ZRANB3: variants seen among roughly 807,000 people sequenced by gnomAD.
The protein encoded by ZRANB3 is DNA annealing helicase and endonuclease ZRANB3.
In ZRANB3, 125 loss-of-function variants were observed where a neutral mutation model predicts 133.8. The observed-to-expected ratio is 0.93, with a 90% CI of 0.81 to 1.08. The LOEUF (loss-of-function observed/expected upper bound fraction) is 1.08, where lower values mean the gene tolerates loss of function less well. Among genes scored for constraint, ZRANB3 ranks in the 50% least tolerant of loss-of-function variants. The pLI is 0.00. For missense variants in ZRANB3, 1,229 were observed against 1,275.5 expected (o/e 0.96, Z 0.56); for synonymous variants, 387 against 432.7 (o/e 0.89, Z 1.31).
intron 8 of ZRANB3, among the ~76,000 whole-genome samples, chr2:135,296,359 A>G (rs1682090787): frequency 1.3e-5 from 2 of 151,994 alleles, no homozygotes; most frequent in Admixed American, 6.6e-5. Context: ...CTTTCTTCCA[A>G]TTGATCGCAT....
chr2:135,292,377 G>A (rs1437560625), intron 8 of ZRANB3, among the ~76,000 whole-genome samples: 12 of 152,078 alleles, frequency 7.9e-5, no homozygotes, highest in African/African-American at 2.4e-4. Flanking sequence ...TGTGTCTTTT[G>A]GCTGCATAAA....
chr2:135,437,016 G>T (rs999877807), intron 2 of ZRANB3, among the ~76,000 whole-genome samples: 7 of 152,216 alleles, frequency 4.6e-5, no homozygotes, highest in African/African-American at 1.7e-4. Context: ...CTGGAGTGCA[G>T]TGGTGCGATC....
At chr2:135,207,965 A>G (rs2105039661) in intron 18 of ZRANB3, 129 bp from the exon 19 acceptor site, 2 of 937,918 alleles carry the variant, frequency 2.1e-6, no homozygotes, top group East Asian at 5.3e-5. Flanking sequence ...GTAGAAATAA[A>G]ATAGTTACAG....
At chr2:135,418,925 CTT>C (rs769271961) in intron 2 of ZRANB3, among the ~76,000 whole-genome samples, 12 of 85,900 alleles carry the variant, frequency 1.4e-4, no homozygotes, top group East Asian at 5.4e-4. Context: ...AGGATTCTCT[CTT>C]TTTTTTTTTT....
chr2:135,374,975 T>C (rs1387958008), intron 3 of ZRANB3, among the ~76,000 whole-genome samples: 1 of 151,572 alleles, frequency 6.6e-6, no homozygotes, highest in Admixed American at 6.6e-5. Flanking sequence ...CATAGGTGAA[T>C]AGAGAATTAC....
chr2:135,482,601 C>G (rs1691878469), intron 2 of ZRANB3, among the ~76,000 whole-genome samples: 1 of 152,048 alleles, frequency 6.6e-6, no homozygotes. Flanking sequence ...AATTGAATGC[C>G]CTTTATTTCC....
intron 12 of ZRANB3, among the ~76,000 whole-genome samples, chr2:135,237,766 G>T (rs1162276552): frequency 1.4e-5 from 2 of 147,504 alleles, no homozygotes; most frequent in African/African-American, 2.5e-5. Context: ...ACAGGAAGGG[G>T]AACATCACAC....
intron 2 of ZRANB3, among the ~76,000 whole-genome samples, chr2:135,430,291 T>G (rs1202275105): frequency 6.6e-6 from 1 of 152,176 alleles, no homozygotes; most frequent in Non-Finnish European, 1.5e-5. Context: ...CTTAATGATA[T>G]GATCGCAGGA....
intron 1 of ZRANB3, among the ~76,000 whole-genome samples, chr2:135,513,997 A>AT (rs1693591735): frequency 6.6e-6 from 1 of 152,054 alleles, no homozygotes; most frequent in Non-Finnish European, 1.5e-5. Flanking sequence ...TGGTTTATAT[A>AT]TCTCTTTTGG....
At chr2:135,419,662 G>T (rs1688748831) in intron 2 of ZRANB3, among the ~76,000 whole-genome samples, 1 of 150,942 alleles carries the variant, frequency 6.6e-6, no homozygotes, top group African/African-American at 2.4e-5. Context: ...GATGGCACCA[G>T]TCTAAAGATA....
intron 12 of ZRANB3, among the ~76,000 whole-genome samples, chr2:135,244,929 G>A (rs1338769618): frequency 1.3e-5 from 2 of 152,168 alleles, no homozygotes; most frequent in African/African-American, 4.8e-5. Flanking sequence ...GGAGTAATCA[G>A]CATAGGTGAT....
intron 3 of ZRANB3, among the ~76,000 whole-genome samples, chr2:135,385,126 A>G (rs1354091497): frequency 6.6e-6 from 1 of 152,240 alleles, no homozygotes; most frequent in Non-Finnish European, 1.5e-5. Flanking sequence ...TCAAGCTGAT[A>G]AGCAACTTCA....
chr2:135,341,910 T>G (rs1276898242), intron 6 of ZRANB3, among the ~76,000 whole-genome samples: 1 of 150,004 alleles, frequency 6.7e-6, no homozygotes, highest in East Asian at 1.9e-4. Flanking sequence ...TTAAGATGTT[T>G]ATCAAAGATA....
chr2:135,318,745 GC>G (rs2104831100), intron 6 of ZRANB3, among the ~76,000 whole-genome samples: 1 of 152,152 alleles, frequency 6.6e-6, no homozygotes, highest in African/African-American at 2.4e-5. Flanking sequence ...TTTACAATAA[GC>G]AAATAATGCT....
chr2:135,476,040 T>C (rs867122248), intron 2 of ZRANB3, among the ~76,000 whole-genome samples: 7 of 152,012 alleles, frequency 4.6e-5, no homozygotes, highest in Non-Finnish European at 8.8e-5. Flanking sequence ...ATTGCACCAC[T>C]GTACTCCAGC....
intron 2 of ZRANB3, among the ~76,000 whole-genome samples, chr2:135,408,717 T>C (rs993912042): frequency 5.3e-5 from 8 of 151,502 alleles, no homozygotes; most frequent in Non-Finnish European, 1.2e-4. Context: ...CAGCAAACTA[T>C]CGCAAGGACA....
chr2:135,340,774 T>TTCACTTCTA (rs1684614359), intron 6 of ZRANB3, among the ~76,000 whole-genome samples: 1 of 140,772 alleles, frequency 7.1e-6, no homozygotes, highest in African/African-American at 3.3e-5. Context: ...GAGAATTGCT[T>TTCACTTCTA]GAACCTAGGA....
chr2:135,445,943 AC>A (rs1390545235), intron 2 of ZRANB3, among the ~76,000 whole-genome samples: 1 of 150,048 alleles, frequency 6.7e-6, no homozygotes, highest in Non-Finnish European at 1.5e-5. Flanking sequence ...AGTGACTCAC[AC>A]CTGTAATCCC....
At chr2:135,502,523 G>A (rs910548269) in intron 2 of ZRANB3, among the ~76,000 whole-genome samples, 5 of 152,104 alleles carry the variant, frequency 3.3e-5, no homozygotes, top group African/African-American at 7.2e-5. Flanking sequence ...CATAGTTAAC[G>A]AATCTGAAGT....
Sources: allele counts gnomAD v4.1 joint callset (sites outside exome capture counted in the v4.1 genomes callset), GRCh38; gene constraint gnomAD v4.1.1; transcripts MANE v1.5; gene names NCBI Gene and HGNC (gene_info 2026-07-23, HGNC 2026-07-21).